Variants in OTUD7A observed in about 807,000 individuals in gnomAD.
OTUD7A encodes OTU domain-containing protein 7A.
OTUD7A carries 12 observed loss-of-function variants against 65.7 expected under a neutral mutation model. The observed-to-expected ratio is 0.18, with a 90% CI of 0.12 to 0.30. The LOEUF (loss-of-function observed/expected upper bound fraction) is 0.30. Among genes scored for constraint, OTUD7A ranks in the 10% least tolerant of loss-of-function variants. The probability of loss-of-function intolerance (pLI) is 1.00; values close to 1 mark genes in which losing one functional copy is unlikely to be tolerated. For synonymous variants in OTUD7A, 641 were observed against 586.3 expected (o/e 1.09, Z -1.35); for missense variants, 1,148 against 1,304.8 (o/e 0.88, Z 1.85).
chr15:31,732,037 A>G (rs761863327), intron 1 of OTUD7A, among the ~76,000 whole-genome samples: 3 of 152,162 alleles, frequency 2.0e-5, no homozygotes, highest in Non-Finnish European at 2.9e-5. Context: ...CCTGAGAGCT[A>G]AAGGTGGGCT....
rs2041178339 is a variant in OTUD7A at position 31,483,769 on chromosome 15, T to C, written c.2327A>G (p.Gln776Arg). Residue 776 changes from glutamine to arginine, a missense_variant, in exon 13 of 13, where the codon CAG (glutamine) becomes CGG (arginine). By Grantham distance (43) the Gln-to-Arg change is conservative. This residue lies in a region of OTUD7A where 842 missense variants were observed against 769.5 expected (regional missense o/e 1.09). Coordinates refer to ENST00000307050, the MANE Select transcript of OTUD7A (RefSeq NM_001382637.1). Reference protein sequence around the residue: ...PGRSPPAPARQSVIHVQASGA... With the variant: ...PGRSPPAPARRSVIHVQASGA... ...CGACGCCTGCACGTGGATGACGCTC[T>C]GGCGCGCTGGCGCCGGGGGGCTGCG... 9.4e-7 allele frequency: 1 copy of C among 1,063,090 alleles called. No homozygotes were observed. The highest frequency in any genetic ancestry group is 7.0e-5 in the East Asian group (1 of 14,248). The allele number at this position is 1,063,090 out of a possible 1,614,324, so 65.9% of individuals were successfully genotyped here.
chr15:31,521,170 GT>G (rs1302096961), intron 8 of OTUD7A, among the ~76,000 whole-genome samples: 2 of 152,116 alleles, frequency 1.3e-5, no homozygotes, highest in Non-Finnish European at 2.9e-5. Flanking sequence ...AAATTACAAT[GT>G]TCACTACTTG....
chr15:31,789,808 C>T (rs184341541), intron 1 of OTUD7A, among the ~76,000 whole-genome samples: 1 of 151,380 alleles, frequency 6.6e-6, no homozygotes, highest in South Asian at 2.1e-4. Context: ...CAGGTTCAAG[C>T]GATTCTCCTG....
chr15:31,532,989 GTTCCC>G (rs1174965185), intron 5 of OTUD7A, among the ~76,000 whole-genome samples: 115 of 148,022 alleles, frequency 7.8e-4, no homozygotes, highest in Middle Eastern at 7.0e-3. Context: ...TCACTAAAAG[GTTCCC>G]AATTTTTGCA....
chr15:31,570,118 C>T lies in OTUD7A; in HGVS notation c.231G>A (p.Val77=), dbSNP rs747360637. ...RQVHTANLPH[V]FNEGRGPKQP... is the part of the protein sequence containing the mutation. ...GCTTGGGACCCCGCCCTTCATTGAACACATGTGGCAGATTGGCTGTGTGCA... is the reference window on the plus strand; with the variant it reads ...GCTTGGGACCCCGCCCTTCATTGAATACATGTGGCAGATTGGCTGTGTGCA... The change falls in exon 4 of 13, where the codon GTG becomes GTA. Residue 77 remains valine, a synonymous_variant. Coordinates refer to ENST00000307050, the MANE Select transcript of OTUD7A (RefSeq NM_001382637.1). 2 of 1,614,216 alleles carry T rather than the reference C, an allele frequency of 1.2e-6. No homozygotes were observed. Among genetic ancestry groups the T allele is most frequent in the Non-Finnish European group, 1.7e-6 (2 of 1,180,036 alleles).
chr15:31,727,040 C>A, intron 1 of OTUD7A, among the ~76,000 whole-genome samples: 1 of 152,334 alleles, frequency 6.6e-6, no homozygotes, highest in African/African-American at 2.4e-5. Flanking sequence ...GGCTGTGGAC[C>A]AGGGCCATGG....
At chr15:31,607,247 T>A (rs1890264371) in intron 3 of OTUD7A, among the ~76,000 whole-genome samples, 1 of 152,170 alleles carries the variant, frequency 6.6e-6, no homozygotes, top group Admixed American at 6.5e-5. Context: ...GTCTTATGGA[T>A]CTGGGCAGAT....
intron 8 of OTUD7A, among the ~76,000 whole-genome samples, chr15:31,504,913 CA>C (rs917302375): frequency 1.3e-5 from 2 of 148,574 alleles, no homozygotes; most frequent in Admixed American, 1.3e-4. Context: ...TTTTTTGAGA[CA>C]GAGTCTTGCT....
intron 1 of OTUD7A, among the ~76,000 whole-genome samples, chr15:31,679,916 A>C (rs1015564993): frequency 3.3e-5 from 5 of 152,256 alleles, no homozygotes; most frequent in Admixed American, 1.3e-4. Flanking sequence ...TGGAAAAAAC[A>C]TAAAAACAAG....
intron 3 of OTUD7A, among the ~76,000 whole-genome samples, chr15:31,585,378 G>A (rs1469592729): frequency 6.6e-5 from 10 of 152,214 alleles, no homozygotes; most frequent in Admixed American, 2.6e-4. Context: ...GGTTAGCTGC[G>A]AGCAGAAACA....
intron 3 of OTUD7A, among the ~76,000 whole-genome samples, chr15:31,651,393 T>C (rs1214376306): frequency 6.6e-6 from 1 of 152,002 alleles, no homozygotes; most frequent in African/African-American, 2.4e-5. Flanking sequence ...TACTGCTTGT[T>C]CTCAGAGATT....
At position 31,596,005 on chromosome 15, in the gene OTUD7A, T is replaced by C. The variant is rs79044311; in HGVS notation, c.152-25808A>G. Among the ~76,000 whole-genome samples the C allele has an allele frequency of 8.9e-3, 1,350 of 152,246 alleles. 30 individuals carry two copies. Among genetic ancestry groups the C allele is most frequent in the African/African-American group, 0.031 (1,300 of 41,536 alleles). On this transcript the variant is annotated intron_variant, in intron 3 of 12. Coordinates refer to ENST00000307050, the MANE Select transcript of OTUD7A (RefSeq NM_001382637.1). ...TCTCAGGGCCCTGTGTCTTCCTCTT[T>C]TGCTTCTAAAAGCCCTTGATATTAC...
intron 1 of OTUD7A, among the ~76,000 whole-genome samples, chr15:31,821,433 T>C (rs949942333): frequency 4.0e-5 from 6 of 151,748 alleles, no homozygotes; most frequent in Non-Finnish European, 7.4e-5. Context: ...CGTGAGCCAC[T>C]GAGCCCAGCC....
At chr15:31,846,478 A>G (rs895935853) in intron 1 of OTUD7A, among the ~76,000 whole-genome samples, 2 of 152,168 alleles carry the variant, frequency 1.3e-5, no homozygotes, top group African/African-American at 2.4e-5. Flanking sequence ...AAGAACAGGA[A>G]AAAGGGGAGA....
chr15:31,623,390 C>T (rs1157156075), intron 3 of OTUD7A, among the ~76,000 whole-genome samples: 1 of 152,214 alleles, frequency 6.6e-6, no homozygotes, highest in African/African-American at 2.4e-5. Context: ...AGGCAGGCCT[C>T]GTTGAGCTGC....
intron 1 of OTUD7A, among the ~76,000 whole-genome samples, chr15:31,661,024 C>T (rs370999525): frequency 1.3e-5 from 2 of 152,212 alleles, no homozygotes; most frequent in African/African-American, 2.4e-5. Flanking sequence ...AGGAGACATG[C>T]CTTCTGTTCA....
chr15:31,771,707 T>A (rs1895238709), intron 1 of OTUD7A, among the ~76,000 whole-genome samples: 1 of 152,110 alleles, frequency 6.6e-6, no homozygotes, highest in Non-Finnish European at 1.5e-5. Flanking sequence ...ACCAACAGCA[T>A]CACAATGTTT....
At position 31,635,602 on chromosome 15, in the gene OTUD7A, T is replaced by C. The variant is rs548653365; in HGVS notation, c.151+19494A>G. Among the ~76,000 whole-genome samples the C allele has an allele frequency of 2.0e-4, 30 of 152,342 alleles. No individual in the cohort carries two copies. The South Asian group carries it at 2.1e-3, about 11-fold the overall frequency. On this transcript the variant is annotated intron_variant, in intron 3 of 12. Transcript: ENST00000307050. ...GGCGCTAACTCCAACCTGGATGTTT[T>C]AGAAAGCAGACAGTGGGGCATGTAC...
At chr15:31,725,977 A>T (rs1893871432) in intron 1 of OTUD7A, among the ~76,000 whole-genome samples, 1 of 151,946 alleles carries the variant, frequency 6.6e-6, no homozygotes, top group Non-Finnish European at 1.5e-5. Flanking sequence ...ATTCATTCCC[A>T]TGGACTCAAA....
Sources: allele counts gnomAD v4.1 joint callset (sites outside exome capture counted in the v4.1 genomes callset), GRCh38; gene constraint gnomAD v4.1.1; regional missense constraint gnomAD v4.1.1; transcripts MANE v1.5; gene names NCBI Gene and HGNC (gene_info 2026-07-23, HGNC 2026-07-21).